Variants in USP48 observed in about 807,000 individuals in gnomAD.
USP48 encodes the protein ubiquitin specific peptidase 48, also known as ubiquitin carboxyl-terminal hydrolase 48.
A neutral mutation model predicts 150.7 loss-of-function variants in USP48; 43 were observed. That is an observed-to-expected ratio of 0.29 (90% confidence interval 0.22 to 0.37). USP48 has a LOEUF of 0.37. Ranked by LOEUF, USP48 falls within the 10% of genes least tolerant of loss-of-function variation. The probability of loss-of-function intolerance (pLI) is 1.00; values close to 1 mark genes in which losing one functional copy is unlikely to be tolerated. For missense variants in USP48, 813 were observed against 1,249.6 expected (o/e 0.65, Z 5.27); for synonymous variants, 396 against 425.9 (o/e 0.93, Z 0.86).
At chr1:21,717,240 CA>C (rs2097707076) in intron 14 of USP48, among the ~76,000 whole-genome samples, 1 of 151,322 alleles carries the variant, frequency 6.6e-6, no homozygotes. Flanking sequence ...CCCATCTCTA[CA>C]AAAAGTACAA....
chr1:21,695,054 T>C lies in USP48; in HGVS notation c.2883+12A>G, dbSNP rs188483750. 3.7e-6 allele frequency: 6 copies of C among 1,606,122 alleles called. No homozygotes were observed. The East Asian group carries it at 9.0e-5, about 24-fold the overall frequency. On this transcript the variant is annotated intron_variant, in intron 23 of 26. Transcript: ENST00000308271. ...TAAGTCCAGAGCAAACTTGAACAAA[T>C]GTTTCCCTCACCTGAATTTTCAATT...
At chr1:21,711,520 A>G (rs1016720149) in intron 15 of USP48, among the ~76,000 whole-genome samples, 1 of 151,962 alleles carries the variant, frequency 6.6e-6, no homozygotes, top group Non-Finnish European at 1.5e-5. Context: ...AAACCTTTCC[A>G]CTCTTCAATG....
intron 24 of USP48, among the ~76,000 whole-genome samples, chr1:21,688,009 T>C (rs1026512185): frequency 1.6e-4 from 24 of 152,074 alleles, no homozygotes; most frequent in African/African-American, 5.8e-4. Context: ...CCTAACTTTA[T>C]CACACCAGAA....
At chr1:21,701,338 C>A (rs2097655906) in intron 22 of USP48, among the ~76,000 whole-genome samples, 160 bp downstream of exon 22, 1 of 133,124 alleles carries the variant, frequency 7.5e-6, no homozygotes, top group African/African-American at 2.9e-5. Context: ...TGCACTCCAG[C>A]ACAGGCAACA....
intron 1 of USP48, among the ~76,000 whole-genome samples, chr1:21,758,172 T>C (rs943300484): frequency 1.4e-5 from 2 of 141,114 alleles, no homozygotes; most frequent in Non-Finnish European, 3.0e-5. Context: ...GGCAGAGTAC[T>C]ATGCAACTGT....
chr1:21,692,391 T>C (rs934073061), intron 23 of USP48, among the ~76,000 whole-genome samples: 2 of 152,024 alleles, frequency 1.3e-5, no homozygotes, highest in Non-Finnish European at 2.9e-5. Flanking sequence ...AGAGCTACGG[T>C]GGATGTGTGT....
At chr1:21,778,907 G>A (rs1177270996) in intron 1 of USP48, among the ~76,000 whole-genome samples, 2 of 151,766 alleles carry the variant, frequency 1.3e-5, no homozygotes, top group Admixed American at 6.6e-5. Flanking sequence ...CCAGCCTCCC[G>A]AGTAGCTGGG....
intron 15 of USP48, among the ~76,000 whole-genome samples, chr1:21,713,578 C>G (rs1249457184): frequency 1.3e-5 from 2 of 152,158 alleles, no homozygotes; most frequent in African/African-American, 4.8e-5. Context: ...AATCTAAGTT[C>G]CAGCACTGTT....
intron 11 of USP48, chr1:21,728,314 A>C (rs985183437): frequency 2.5e-6 from 3 of 1,206,638 alleles, no homozygotes; most frequent in Non-Finnish European, 3.1e-6. Context: ...TACAATACTC[A>C]TGGATGCAGA....
At chr1:21,685,448 G>A (rs2097578134) in intron 25 of USP48, among the ~76,000 whole-genome samples, 1 of 151,586 alleles carries the variant, frequency 6.6e-6, no homozygotes, top group African/African-American at 2.4e-5. Context: ...CCTAGTAACT[G>A]GGATTACAGG....
chr1:21,772,784 T>C (rs1438191569), intron 1 of USP48, among the ~76,000 whole-genome samples: 2 of 142,514 alleles, frequency 1.4e-5, no homozygotes, highest in Non-Finnish European at 3.0e-5. Flanking sequence ...TAGCCAGGAG[T>C]GGTGGCACGG....
chr1:21,690,102 G>A lies in USP48; in HGVS notation c.2884-3C>T, dbSNP rs759243747. 153 of 1,611,310 alleles carry A rather than the reference G, an allele frequency of 9.5e-5. No individual in the cohort carries two copies. Among genetic ancestry groups the A allele is most frequent in the Middle Eastern group, 8.2e-4 (5 of 6,068 alleles). Reference sequence around the variant, plus strand: ...GCAACTGAAAATGCATGCATGATCTGTGCCAATATAAAAGAGAGAAAGTCC... The same window carrying A: ...GCAACTGAAAATGCATGCATGATCTATGCCAATATAAAAGAGAGAAAGTCC... On this transcript the variant is annotated splice_region_variant and splice_polypyrimidine_tract_variant and intron_variant, in intron 23 of 26. Coordinates refer to ENST00000308271, the MANE Select transcript of USP48 (RefSeq NM_032236.8).
At chr1:21,696,388 A>C (rs1385187949) in intron 22 of USP48, among the ~76,000 whole-genome samples, 1 of 152,220 alleles carries the variant, frequency 6.6e-6, no homozygotes, top group Non-Finnish European at 1.5e-5. Context: ...CGGTGAGCCG[A>C]GATTGCGCCA....
chr1:21,771,313 G>A (rs2097879649), intron 1 of USP48, among the ~76,000 whole-genome samples: 1 of 151,434 alleles, frequency 6.6e-6, no homozygotes, highest in South Asian at 2.1e-4. Context: ...GATGGAGGCT[G>A]AAGTGAGCAA....
At chr1:21,769,784 G>T (rs1396619720) in intron 1 of USP48, among the ~76,000 whole-genome samples, 1 of 152,100 alleles carries the variant, frequency 6.6e-6, no homozygotes, top group Non-Finnish European at 1.5e-5. Flanking sequence ...AGCTGAAGTG[G>T]AAGGACCACT....
intron 22 of USP48, among the ~76,000 whole-genome samples, chr1:21,701,193 C>T (rs1237244663): frequency 6.6e-6 from 1 of 151,384 alleles, no homozygotes; most frequent in African/African-American, 2.4e-5. Flanking sequence ...AGTGAAACCC[C>T]GTCTCTACTA....
At chr1:21,768,512 A>C (rs554299973) in intron 1 of USP48, 3 of 152,320 alleles carry the variant, frequency 2.0e-5, no homozygotes, top group East Asian at 1.9e-4. Context: ...AGAATTGCTT[A>C]ATCTTTTTTG....
Position 21,757,665 on chromosome 1 carries a change from T to C in USP48, c.253A>G (p.Lys85Glu). Residue 85 changes from lysine (K) to glutamate (E), a missense_variant and splice_region_variant, in exon 2 of 27, where the codon AAG becomes GAG. Physicochemically the swap from Lys to Glu is moderately conservative, Grantham distance 56 (BLOSUM62 1). Coordinates refer to ENST00000308271, the MANE Select transcript of USP48 (RefSeq NM_032236.8). ...IDDPNCERRK[K>E]NSFVGLTNLG... ...TCGCTTAAAAAATGATGGTTTACCT[T>C]TTTTCTCCTCTCACAGTTGGGATCA... 1.2e-6 allele frequency: 2 copies of C among 1,605,102 alleles called. No individual in the cohort carries two copies. Among genetic ancestry groups the C allele is most frequent in the Non-Finnish European group, 1.7e-6 (2 of 1,177,834 alleles).
intron 14 of USP48, among the ~76,000 whole-genome samples, chr1:21,716,407 C>T (rs1337791566): frequency 5.3e-5 from 8 of 152,120 alleles, no homozygotes; most frequent in Non-Finnish European, 8.8e-5. Flanking sequence ...AAACTCATGT[C>T]GCAGGCAGGA....
Sources: allele counts gnomAD v4.1 joint callset (sites outside exome capture counted in the v4.1 genomes callset), GRCh38; gene constraint gnomAD v4.1.1; transcripts MANE v1.5; gene names NCBI Gene and HGNC (gene_info 2026-07-23, HGNC 2026-07-21).